The following ZFP64 variants were observed in gnomAD, a reference collection of about 807,000 sequenced individuals.
The protein encoded by ZFP64 is ZFP64 zinc finger protein, also known as zinc finger protein 64.
In ZFP64, 14 loss-of-function variants were observed where a neutral mutation model predicts 51.6. The observed-to-expected ratio is 0.27, with a 90% confidence interval of 0.18 to 0.42. The LOEUF (loss-of-function observed/expected upper bound fraction) is 0.42. ZFP64 is among the 10% of genes least tolerant of loss of function. The pLI, the probability that ZFP64 is intolerant of heterozygous loss-of-function variation, is 1.00. For synonymous variants in ZFP64, 375 were observed against 361.4 expected (o/e 1.04, Z -0.43); for missense variants, 754 against 906.8 (o/e 0.83, Z 2.16).
chr20:52,113,030 A>C (rs1396861651), intron 5 of ZFP64, among the ~76,000 whole-genome samples: 2 of 152,138 alleles, frequency 1.3e-5, no homozygotes, highest in Non-Finnish European at 2.9e-5. Context: ...TGATTCCCCA[A>C]AGAGGTATAA....
At chr20:52,149,290 A>G (rs6096796), downstream of ZFP64, among the ~76,000 whole-genome samples, 26,916 of 148,918 alleles carry the variant, frequency 0.18, 2,585 homozygotes, top group Non-Finnish European at 0.2. Flanking sequence ...AAAAAAAAAA[A>G]AGCTGAATAT....
intron 1 of ZFP64, among the ~76,000 whole-genome samples, chr20:52,189,339 T>G (rs931852161): frequency 4.0e-5 from 6 of 150,268 alleles, no homozygotes; most frequent in African/African-American, 1.5e-4. Context: ...GAGGTTGCAG[T>G]GAGCCAAGAT....
exon 6 of ZFP64, chr20:52,098,510 T>A: frequency 6.2e-7 from 1 of 1,614,190 alleles, no homozygotes; most frequent in South Asian, 1.1e-5. Flanking sequence ...GGAAGAGTGA[T>A]GACAGGGGCC....
intron 5 of ZFP64, among the ~76,000 whole-genome samples, chr20:52,133,658 C>T (rs1184862037): frequency 2.6e-5 from 4 of 152,270 alleles, no homozygotes; most frequent in South Asian, 2.1e-4. Flanking sequence ...AAAGAACATA[C>T]GACCTGGCTT....
exon 8 of ZFP64, chr20:52,088,557 C>T (rs1448224061): frequency 7.4e-6 from 12 of 1,614,184 alleles, no homozygotes; most frequent in Non-Finnish European, 9.3e-6. Context: ...TGTGGCTTCA[C>T]ACTGGTGTGG....
chr20:52,164,895 C>T (rs1982124085), intron 3 of ZFP64, 138 bp from the exon 4 acceptor site: 1 of 742,106 alleles, frequency 1.3e-6, no homozygotes, highest in Non-Finnish European at 2.4e-6. Flanking sequence ...CATGTGCCTT[C>T]ATATGTGATG....
At chr20:52,110,672 T>C (rs2122811724) in intron 5 of ZFP64, 1 of 1,478,988 alleles carries the variant, frequency 6.8e-7, no homozygotes, top group African/African-American at 1.4e-5. Context: ...CCACCTGGCA[T>C]AGCTAGCTAG....
chr20:52,188,980 A>T (rs191185571), intron 1 of ZFP64, among the ~76,000 whole-genome samples: 3 of 147,052 alleles, frequency 2.0e-5, no homozygotes, highest in East Asian at 2.0e-4. Context: ...CGTCTCACAT[A>T]AAAAAAAAAA....
At chr20:52,188,510 C>T (rs113599276) in intron 1 of ZFP64, among the ~76,000 whole-genome samples, 19,845 of 150,020 alleles carry the variant, frequency 0.13, 2,014 homozygotes, top group African/African-American at 0.28. Context: ...GAGATGAGGT[C>T]TCACCTGTTA....
intron 5 of ZFP64, chr20:52,104,851 C>A (rs1222860145): frequency 3.0e-6 from 2 of 658,302 alleles, no homozygotes; most frequent in Non-Finnish European, 5.7e-6. Context: ...GAGGGGTCCT[C>A]TGAGCATCCT....
At chr20:52,175,473 T>C (rs571949248) in intron 2 of ZFP64, among the ~76,000 whole-genome samples, 1 of 152,346 alleles carries the variant, frequency 6.6e-6, no homozygotes, top group South Asian at 2.1e-4. Context: ...ATGTTGTTTT[T>C]TGCAGTGTCG....
rs552917704 is a variant in ZFP64, at chr20:52,117,083, A to G, written c.764-18496T>C. Among the ~76,000 whole-genome samples the G allele has an allele frequency of 3.0e-3, 456 of 151,580 alleles. 5 individuals are homozygous for G. The highest frequency in any genetic ancestry group is 0.01 in the African/African-American group (429 of 41,384). On this transcript the variant is annotated intron_variant, in intron 5 of 8. Coordinates refer to the ZFP64 transcript ENST00000361387. Reference sequence around the variant, plus strand: ...AAGACTCTGTCTCACACACACACGCACACACACACACACAAATTATGAATG... The same window carrying G: ...AAGACTCTGTCTCACACACACACGCGCACACACACACACAAATTATGAATG...
At chr20:52,134,277 C>T (rs1177867707) in intron 5 of ZFP64, among the ~76,000 whole-genome samples, 1 of 152,158 alleles carries the variant, frequency 6.6e-6, no homozygotes, top group Admixed American at 6.5e-5. Flanking sequence ...TCCAGGCTGC[C>T]TCTCTGCTAA....
At chr20:52,097,046 C>T in intron 7 of ZFP64, 1 of 660,114 alleles carries the variant, frequency 1.5e-6, no homozygotes, top group Non-Finnish European at 2.9e-6. Context: ...GTTTGTAATC[C>T]TGGCATAGAT....
intron 2 of ZFP64, among the ~76,000 whole-genome samples, chr20:52,175,295 G>A (rs1416632347): frequency 6.6e-6 from 1 of 151,880 alleles, no homozygotes; most frequent in Non-Finnish European, 1.5e-5. Flanking sequence ...GCTAATTTTT[G>A]TATTTTTTGT....
At chr20:52,114,528 G>A (rs747821473) in intron 5 of ZFP64, among the ~76,000 whole-genome samples, 1 of 152,106 alleles carries the variant, frequency 6.6e-6, no homozygotes. Context: ...TAATTATAAG[G>A]GAATGGCTAG....
intron 5 of ZFP64, among the ~76,000 whole-genome samples, chr20:52,128,521 G>A (rs1979553943): frequency 6.6e-6 from 1 of 152,180 alleles, no homozygotes; most frequent in Non-Finnish European, 1.5e-5. Flanking sequence ...GATAAAGATG[G>A]ACACATTTAC....
At chr20:52,112,654 A>T (rs935934068) in intron 5 of ZFP64, among the ~76,000 whole-genome samples, 1 of 148,372 alleles carries the variant, frequency 6.7e-6, no homozygotes, top group African/African-American at 2.5e-5. Context: ...TTTCTCTGTT[A>T]CCCAGGCTGG....
chr20:52,106,765 G>A (rs1199332712), intron 5 of ZFP64, among the ~76,000 whole-genome samples: 1 of 152,218 alleles, frequency 6.6e-6, no homozygotes, highest in African/African-American at 2.4e-5. Context: ...TCTTTGGGAT[G>A]TATGTGTAGT....
Sources: allele counts gnomAD v4.1 joint callset (sites outside exome capture counted in the v4.1 genomes callset), GRCh38; gene constraint gnomAD v4.1.1; transcripts MANE v1.5; gene names NCBI Gene and HGNC (gene_info 2026-07-23, HGNC 2026-07-21).